NCAM1: variants seen among roughly 807,000 people sequenced by gnomAD.
NCAM1 encodes the protein antigen recognized by monoclonal antibody 5.1H11.
In NCAM1, 14 loss-of-function variants were observed where a neutral mutation model predicts 109.8. That is an observed-to-expected ratio of 0.13 (90% CI 0.08 to 0.20). NCAM1 has a LOEUF of 0.20. Among genes scored for constraint, NCAM1 ranks in the 10% least tolerant of loss-of-function variants. The probability of loss-of-function intolerance (pLI) is 1.00; values close to 1 mark genes in which losing one functional copy is unlikely to be tolerated. For missense variants in NCAM1, 774 were observed against 1,109.9 expected, an observed-to-expected ratio of 0.70 and a Z score of 4.30; for synonymous variants, 418 against 442.9, an observed-to-expected ratio of 0.94 and a Z score of 0.70.
At chr11:113,086,194 G>A (rs962863851) in intron 1 of NCAM1, among the ~76,000 whole-genome samples, 1 of 152,202 alleles carries the variant, frequency 6.6e-6, no homozygotes, top group Admixed American at 6.5e-5. Context: ...AGTTGAAGGA[G>A]GCACTTACTT....
intron 1 of NCAM1, among the ~76,000 whole-genome samples, chr11:113,190,294 C>T (rs532123405): frequency 5.3e-5 from 8 of 152,184 alleles, no homozygotes; most frequent in South Asian, 2.1e-4. Flanking sequence ...GAAATTACAG[C>T]GTGTGAAGAC....
At chr11:112,981,211 G>GA (rs1291353629) in intron 1 of NCAM1, among the ~76,000 whole-genome samples, 7 of 150,262 alleles carry the variant, frequency 4.7e-5, no homozygotes, top group African/African-American at 7.3e-5. Flanking sequence ...TCTGTGCATA[G>GA]AAAAAAAAAC....
intron 1 of NCAM1, among the ~76,000 whole-genome samples, chr11:113,172,252 G>C (rs2136470903): frequency 6.6e-6 from 1 of 152,284 alleles, no homozygotes; most frequent in Admixed American, 6.5e-5. Flanking sequence ...GCTGGGTGGT[G>C]GTACTTCTTC....
At chr11:113,262,861 A>G in intron 17 of NCAM1, 2 of 1,613,878 alleles carry the variant, frequency 1.2e-6, no homozygotes, top group South Asian at 2.2e-5. Context: ...TTGGGAGGCA[A>G]TTCTGCATCC....
intron 1 of NCAM1, among the ~76,000 whole-genome samples, chr11:113,188,639 C>T (rs1380079416): frequency 6.6e-6 from 1 of 152,164 alleles, no homozygotes; most frequent in Admixed American, 6.5e-5. Context: ...TATTTAGCTA[C>T]TGTTGAGGTT....
intron 1 of NCAM1, among the ~76,000 whole-genome samples, chr11:113,199,884 T>C (rs1341600472): frequency 1.4e-5 from 2 of 147,942 alleles, no homozygotes; most frequent in Non-Finnish European, 3.0e-5. Flanking sequence ...TGGGATCCTG[T>C]TAAGCAGGGA....
intron 1 of NCAM1, among the ~76,000 whole-genome samples, chr11:112,973,864 A>C (rs547983463): frequency 6.6e-6 from 1 of 152,276 alleles, no homozygotes; most frequent in South Asian, 2.1e-4. Context: ...ACTGAGTTGG[A>C]AATGCCATGC....
At chr11:113,263,528 T>C (rs2137690366) in intron 17 of NCAM1, 1 of 985,816 alleles carries the variant, frequency 1.0e-6, no homozygotes, top group Non-Finnish European at 1.2e-6. Context: ...TTGAATTTGT[T>C]GGATATTTTC....
chr11:113,142,004 T>C (rs1941847180), intron 1 of NCAM1, among the ~76,000 whole-genome samples: 1 of 152,196 alleles, frequency 6.6e-6, no homozygotes, highest in Non-Finnish European at 1.5e-5. Context: ...GGGAATAAGC[T>C]TAACTGTTTT....
chr11:113,271,784 C>T lies in NCAM1; in HGVS notation c.2364C>T (p.Ile788=), dbSNP rs782571268. 2.2e-5 allele frequency: 35 copies of T among 1,561,594 alleles called. No homozygotes were observed. The highest frequency in any genetic ancestry group is 2.9e-5 in the Non-Finnish European group (33 of 1,152,980). Residue 788 remains isoleucine, a synonymous_variant, in exon 19 of 20, where the codon ATC becomes ATT. Transcript: ENST00000316851. The part of the protein sequence containing the change: ...AFSKDESKEP[I]VEVRTEEERT... ...GGAAAGATGAGTCCAAGGAGCCCAT[C>T]GTGGAGGTTCGAACGGAGGAGGAGA...
intron 1 of NCAM1, among the ~76,000 whole-genome samples, chr11:113,038,632 G>A (rs998538309): frequency 3.3e-5 from 5 of 152,216 alleles, no homozygotes; most frequent in Non-Finnish European, 5.9e-5. Context: ...AGACATGACA[G>A]AGAGACGGTG....
At chr11:113,009,302 G>A (rs1029869867) in intron 1 of NCAM1, among the ~76,000 whole-genome samples, 13 of 108,774 alleles carry the variant, frequency 1.2e-4, no homozygotes, top group Admixed American at 8.5e-4. Context: ...AATTGGAAGG[G>A]TTTTTTCGGG....
At position 113,204,380 on chromosome 11, in the gene NCAM1, T is replaced by C. The variant is rs577688149; in HGVS notation, c.222T>C (p.Asn74=). The change falls in exon 3 of 20, where the codon AAT becomes AAC. Residue 74 remains asparagine, a synonymous_variant. Transcript: ENST00000316851. ...PNQQRISVVW[N]DDSSSTLTIY... is the part of the protein sequence containing the mutation. Reference sequence around the variant, plus strand: ...AGCAGCGGATCTCAGTGGTGTGGAATGATGATTCCTCCTCCACCCTCACCA... The same window carrying C: ...AGCAGCGGATCTCAGTGGTGTGGAACGATGATTCCTCCTCCACCCTCACCA... 18 of 1,613,964 alleles carry C rather than the reference T, an allele frequency of 1.1e-5. No homozygotes were observed. In the East Asian group the frequency reaches 3.6e-4, roughly 32 times the overall value.
chr11:113,249,236 C>T (rs1039126740), intron 15 of NCAM1, among the ~76,000 whole-genome samples: 2 of 152,214 alleles, frequency 1.3e-5, no homozygotes, highest in Admixed American at 6.5e-5. Flanking sequence ...CCACTCCCTC[C>T]TTTATTTTTT....
Position 113,233,233 on chromosome 11 carries a change from G to A in NCAM1, c.1609G>A (p.Gly537Arg). 1 of 1,613,846 alleles carries A rather than the reference G, an allele frequency of 6.2e-7. No homozygotes were observed. Among genetic ancestry groups the A allele is most frequent in the Non-Finnish European group, 8.5e-7 (1 of 1,179,862 alleles). ...GTTTGATGAACCAGAGGCCACAGGT[G>A]GGGTGCCCATCCTCAAATACAAAGC... ...VQFDEPEATGGVPILKYKAEW... is the reference protein window; with the variant it reads ...VQFDEPEATGRVPILKYKAEW... The change falls in exon 13 of 20, where the codon GGG (glycine) becomes AGG (arginine). Residue 537 changes from glycine (G) to arginine (R), a missense_variant. By Grantham distance (125) the Gly-to-Arg change is moderately radical. This residue lies in a region of NCAM1 where 523 missense variants were observed against 784.2 expected (regional missense o/e 0.67). Transcript: ENST00000316851. The surrounding 1 kb of genome is among the most constrained non-coding windows in gnomAD (Gnocchi z 4.5).
At chr11:113,067,039 A>T (rs1449109533) in intron 1 of NCAM1, among the ~76,000 whole-genome samples, 1 of 151,756 alleles carries the variant, frequency 6.6e-6, no homozygotes, top group Admixed American at 6.6e-5. Context: ...GATTGCCAGA[A>T]CACAATGGCA....
chr11:113,153,064 A>G (rs1342720390), intron 1 of NCAM1, among the ~76,000 whole-genome samples: 6 of 149,274 alleles, frequency 4.0e-5, no homozygotes, highest in African/African-American at 1.5e-4. Flanking sequence ...TTTTTTTGAG[A>G]CAGAATCTCG....
intron 1 of NCAM1, among the ~76,000 whole-genome samples, chr11:113,157,777 C>T (rs56155282): frequency 0.14 from 21,146 of 151,922 alleles, 1,645 homozygotes; most frequent in East Asian, 0.26. Flanking sequence ...TATCAAGAGG[C>T]GCTTTTTTAT....
In NCAM1 at chr11:112,962,149, C is replaced by T. The variant is rs781981122; in HGVS notation, c.52+485C>T. 1.3e-5 allele frequency among the ~76,000 whole-genome samples: 2 copies of T among 152,200 alleles called. No homozygotes were observed. Among genetic ancestry groups the T allele is most frequent in the African/African-American group, 2.4e-5 (1 of 41,462 alleles). ...GCAGCCGCCCCAGATCGTTATATTC[C>T]TGGGTCTAATAAAGTCAGGATCGCT... On this transcript the variant is annotated intron_variant, in intron 1 of 19. Transcript: ENST00000316851. This position sits in a 1 kb window ranked among gnomAD's most constrained non-coding sequence, Gnocchi z 5.6.
Sources: allele counts gnomAD v4.1 joint callset (sites outside exome capture counted in the v4.1 genomes callset), GRCh38; gene constraint gnomAD v4.1.1; regional missense constraint gnomAD v4.1.1; non-coding constraint Gnocchi (gnomAD v3.1); transcripts MANE v1.5; gene names NCBI Gene and HGNC (gene_info 2026-07-23, HGNC 2026-07-21).